Variants in HDAC8 observed in about 807,000 individuals in gnomAD.
HDAC8 encodes the protein histone deacetylase-like 1.
In HDAC8, 1 loss-of-function variant was observed where a neutral mutation model predicts 32.2. That is an observed-to-expected ratio of 0.03 (90% CI 0.01 to 0.15). The LOEUF is 0.15. Among genes scored for constraint, HDAC8 ranks in the 10% least tolerant of loss-of-function variants. The pLI is 1.00. For synonymous variants in HDAC8, 108 were observed against 113.9 expected (o/e 0.95, Z 0.33); for missense variants, 117 against 300.0 (o/e 0.39, Z 4.51).
chrX:72,507,778 T>A (rs1245864641), intron 4 of HDAC8, among the ~76,000 whole-genome samples: 1 of 112,558 alleles, frequency 8.9e-6, no homozygotes, highest in African/African-American at 3.2e-5. Context: ...TGAAAGCACA[T>A]TTCTGAAATG....
At chrX:72,413,917 T>C (rs1363472829) in intron 9 of HDAC8, among the ~76,000 whole-genome samples, 1 of 112,155 alleles carries the variant, frequency 8.9e-6, no homozygotes, top group African/African-American at 3.2e-5. Flanking sequence ...TTGCTTACGA[T>C]AAATCACCTT....
intron 9 of HDAC8, among the ~76,000 whole-genome samples, chrX:72,442,194 G>A (rs1430131267): frequency 9.0e-6 from 1 of 110,587 alleles, no homozygotes; most frequent in Non-Finnish European, 1.9e-5. Context: ...ACACCACAAA[G>A]ATGCTCCTCG....
intron 9 of HDAC8, among the ~76,000 whole-genome samples, chrX:72,456,260 T>C (rs1446622009): frequency 8.9e-6 from 1 of 111,923 alleles, no homozygotes; most frequent in Admixed American, 9.5e-5. Context: ...TTATTTGTGC[T>C]AATATATGCT....
chrX:72,405,505 G>C (rs1555968547), intron 9 of HDAC8, among the ~76,000 whole-genome samples: 2 of 112,347 alleles, frequency 1.8e-5, no homozygotes, highest in Non-Finnish European at 3.8e-5. Flanking sequence ...GGGTTGAATG[G>C]TATTTCTGTC....
rs1019752970 is a variant in HDAC8 at position 72,558,218 on chromosome X, G to A, written c.437+9671C>T. Among the ~76,000 whole-genome samples the A allele has an allele frequency of 2.7e-5, 3 of 111,731 alleles. No individual in the cohort carries two copies. The Admixed American group carries it at 2.8e-4, about 11-fold the overall frequency. On this transcript the variant is annotated intron_variant, in intron 4 of 10. Coordinates refer to ENST00000373573, the MANE Select transcript of HDAC8 (RefSeq NM_018486.3). ...CTATTCCAAAAGTTAGAGGAAGAGG[G>A]AATCCTCCCTAAATCATTCTATGAA... is the stretch of plus-strand genomic sequence containing the variant.
intron 10 of HDAC8, among the ~76,000 whole-genome samples, chrX:72,344,966 A>C (rs781830753): frequency 9.0e-6 from 1 of 111,587 alleles, no homozygotes; most frequent in Non-Finnish European, 1.9e-5. Context: ...GTCAGCCTGA[A>C]ATTCAAGGGA....
intron 4 of HDAC8, among the ~76,000 whole-genome samples, chrX:72,505,025 T>C (rs781933052): frequency 2.7e-5 from 3 of 111,492 alleles, no homozygotes; most frequent in Non-Finnish European, 3.8e-5. Context: ...ATATGTCTAT[T>C]CAAGTCCTTT....
At chrX:72,440,448 AG>A (rs2047093559) in intron 9 of HDAC8, among the ~76,000 whole-genome samples, 2 of 111,657 alleles carry the variant, frequency 1.8e-5, no homozygotes, top group South Asian at 7.5e-4. Flanking sequence ...TTCAAAAGCT[AG>A]CAGAAGACAA....
chrX:72,572,643 T>A lies in HDAC8; in HGVS notation c.111+8A>T, dbSNP rs1556164988. ...AAGCCCATGGTCTTTCATCCCGACT[T>A]CCCTTACCCGTTTGGGGATCTTGGC... On this transcript the variant is annotated splice_region_variant and intron_variant, in intron 1 of 10. Transcript: ENST00000373573. 1.8e-6 allele frequency: 1 copy of A among 570,241 alleles called. No individual in the cohort carries two copies. Among genetic ancestry groups the A allele is most frequent in the Admixed American group, 2.9e-5 (1 of 34,311 alleles). The allele number at this position is 570,241 out of a possible 1,213,427, so 47.0% of individuals were successfully genotyped here.
intron 10 of HDAC8, among the ~76,000 whole-genome samples, chrX:72,330,588 G>A (rs1365336971): frequency 6.3e-5 from 7 of 111,536 alleles, no homozygotes; most frequent in African/African-American, 9.8e-5. Context: ...TGTGAAACAC[G>A]GATTGGGGGC....
intron 9 of HDAC8, among the ~76,000 whole-genome samples, chrX:72,388,397 C>G: frequency 9.1e-6 from 1 of 109,940 alleles, no homozygotes; most frequent in Non-Finnish European, 1.9e-5. Context: ...ACCATTCACC[C>G]ACTTGCCCAA....
At chrX:72,459,333 T>A (rs1555990872) in intron 9 of HDAC8, among the ~76,000 whole-genome samples, 2 of 110,977 alleles carry the variant, frequency 1.8e-5, no homozygotes, top group Non-Finnish European at 3.8e-5. Flanking sequence ...GGGATTGATG[T>A]ATTTAGGTAA....
chrX:72,563,408 G>A (rs1238791091), intron 4 of HDAC8, among the ~76,000 whole-genome samples: 2 of 110,835 alleles, frequency 1.8e-5, no homozygotes, highest in Non-Finnish European at 3.8e-5. Flanking sequence ...AGGTGTGGTG[G>A]TATGTGCCTG....
chrX:72,542,813 T>C (rs1255909680), intron 4 of HDAC8, among the ~76,000 whole-genome samples: 1 of 112,389 alleles, frequency 8.9e-6, no homozygotes, highest in Non-Finnish European at 1.9e-5. Context: ...CCAAATGAAA[T>C]CTCACTGATG....
chrX:72,527,399 G>A (rs1221402601), intron 4 of HDAC8, among the ~76,000 whole-genome samples: 3 of 111,592 alleles, frequency 2.7e-5, no homozygotes, highest in African/African-American at 9.8e-5. Flanking sequence ...TTGTTGATAT[G>A]CTTTCCTAGT....
At chrX:72,522,810 C>T (rs1288671500) in intron 4 of HDAC8, among the ~76,000 whole-genome samples, 1 of 112,356 alleles carries the variant, frequency 8.9e-6, no homozygotes, top group African/African-American at 3.2e-5. Context: ...TGAAATCTCA[C>T]TATCCAGAAA....
intron 9 of HDAC8, among the ~76,000 whole-genome samples, chrX:72,450,243 C>T (rs1057155540): frequency 9.0e-6 from 1 of 111,628 alleles, no homozygotes; most frequent in Non-Finnish European, 1.9e-5. Flanking sequence ...GCCAAGGGTT[C>T]GTGATGGAGT....
chrX:72,349,187 A>G (rs1316223205), intron 10 of HDAC8, among the ~76,000 whole-genome samples: 2 of 112,556 alleles, frequency 1.8e-5, no homozygotes, highest in African/African-American at 6.5e-5. Flanking sequence ...TGTGACAGAT[A>G]TATGAAGTAG....
chrX:72,421,307 G>C (rs781842396), intron 9 of HDAC8, among the ~76,000 whole-genome samples: 1 of 111,558 alleles, frequency 9.0e-6, no homozygotes, highest in African/African-American at 3.3e-5. Flanking sequence ...CTGGTCTGCT[G>C]CACAGGTCAT....
Sources: allele counts gnomAD v4.1 joint callset (sites outside exome capture counted in the v4.1 genomes callset), GRCh38; gene constraint gnomAD v4.1.1; transcripts MANE v1.5; gene names NCBI Gene and HGNC (gene_info 2026-07-23, HGNC 2026-07-21).